The following ATG3 variants were observed in gnomAD, a reference collection of about 807,000 sequenced individuals.
ATG3 encodes ubiquitin-like-conjugating enzyme ATG3.
In ATG3, 25 loss-of-function variants were observed where a neutral mutation model predicts 50.7. The observed-to-expected ratio is 0.49, with a 90% CI of 0.36 to 0.69. The LOEUF is 0.69. ATG3 is among the 30% of genes least tolerant of loss of function. The pLI, the probability that ATG3 is intolerant of heterozygous loss-of-function variation, is 0.00. For missense variants in ATG3, 281 were observed against 376.0 expected (o/e 0.75, Z 2.09); for synonymous variants, 119 against 125.5 (o/e 0.95, Z 0.34).
intron 9 of ATG3, among the ~76,000 whole-genome samples, chr3:112,537,094 AAT>A (rs753711450): frequency 1.3e-5 from 2 of 152,088 alleles, no homozygotes; most frequent in Non-Finnish European, 2.9e-5. Context: ...ACAATTTATT[AAT>A]ATCAAGGGAG....
chr3:112,534,411 G>A, intron 10 of ATG3, 74 bp from the exon 11 acceptor site: 1 of 1,274,242 alleles, frequency 7.8e-7, no homozygotes, highest in Non-Finnish European at 1.0e-6. Flanking sequence ...ATTTTCATTT[G>A]TAAAGAAATC....
intron 7 of ATG3, among the ~76,000 whole-genome samples, chr3:112,540,760 GA>G (rs931401680): frequency 8.2e-5 from 12 of 146,334 alleles, no homozygotes; most frequent in Non-Finnish European, 1.2e-4. Flanking sequence ...AACCAAGAGA[GA>G]AAAAAAAAAG....
intron 4 of ATG3, 126 bp from the exon 5 acceptor site, chr3:112,548,766 C>A: frequency 1.3e-6 from 1 of 750,044 alleles, no homozygotes; most frequent in East Asian, 2.7e-5. Flanking sequence ...GTGAATATTT[C>A]ACTTTTAAAG....
Position 112,561,862 on chromosome 3 carries a change from G to C in ATG3, c.-334C>G. On this transcript the variant is annotated 5_prime_UTR_variant, in exon 1 of 12. Coordinates refer to ENST00000283290, the MANE Select transcript of ATG3 (RefSeq NM_022488.5). The stretch of plus-strand genomic sequence containing the variant: ...CACACGCACCCCTCGCCCTCTGCGA[G>C]CTGTCTGTCCTCGCTTTGCTTCACT... The C allele has an allele frequency of 3.3e-6, 1 of 307,178 alleles. No homozygotes were observed. Among genetic ancestry groups the C allele is most frequent in the Non-Finnish European group, 6.1e-6 (1 of 164,582 alleles). 19.0% of individuals were successfully genotyped at this position (307,178 alleles called of 1,614,324 possible). A position where few individuals can be genotyped will look rare whatever the true frequency, so the allele number is the denominator to read the frequency against.
chr3:112,549,737 C>T, intron 4 of ATG3, among the ~76,000 whole-genome samples: 1 of 145,858 alleles, frequency 6.9e-6, no homozygotes, highest in East Asian at 2.1e-4. Context: ...AACCTGTGAG[C>T]CAAAATCAGG....
intron 5 of ATG3, among the ~76,000 whole-genome samples, chr3:112,547,328 G>A (rs1010766538): frequency 9.2e-5 from 14 of 151,796 alleles, no homozygotes; most frequent in African/African-American, 3.1e-4. Flanking sequence ...TCTAGGACTC[G>A]AAGGGAGAAA....
At chr3:112,537,512 T>A (rs919161385) in intron 9 of ATG3, 1 of 358,284 alleles carries the variant, frequency 2.8e-6, no homozygotes, top group Non-Finnish European at 4.9e-6. Flanking sequence ...GAATATGTAA[T>A]AGATTATTTC....
intron 2 of ATG3, 64 bp from the exon 3 acceptor site, chr3:112,553,393 G>A: frequency 1.4e-6 from 2 of 1,454,018 alleles, no homozygotes; most frequent in South Asian, 2.3e-5. Flanking sequence ...CACTGAATGT[G>A]CAAGGTGGCA....
chr3:112,561,482 G>T lies in ATG3; in HGVS notation c.47C>A (p.Ala16Asp). The change falls in exon 1 of 12, where the codon GCT becomes GAT. Residue 16 changes from alanine to aspartate, a missense_variant. Physicochemically the swap from Ala to Asp is moderately radical, Grantham distance 126. Coordinates refer to ENST00000283290, the MANE Select transcript of ATG3 (RefSeq NM_022488.5). ...CTTGAGGACCGGGGTCAGGTACTCAGCCACTTCCAGTGCCTTTCCCTTCAC... is the reference window on the plus strand; with the variant it reads ...CTTGAGGACCGGGGTCAGGTACTCATCCACTTCCAGTGCCTTTCCCTTCAC... ...NTVKGKALEV[A>D]EYLTPVLKES... 6.2e-7 allele frequency: 1 copy of T among 1,605,132 alleles called. No individual in the cohort carries two copies.
intron 10 of ATG3, 42 bp from the exon 11 acceptor site, chr3:112,534,379 T>C: frequency 6.8e-7 from 1 of 1,461,074 alleles, no homozygotes; most frequent in South Asian, 1.4e-5. Context: ...GTAGATCGAT[T>C]AGACCGAAAG....
chr3:112,561,444 T>G lies in ATG3; in HGVS notation c.72+13A>C. On this transcript the variant is annotated intron_variant, in intron 1 of 11. Coordinates refer to ENST00000283290, the MANE Select transcript of ATG3 (RefSeq NM_022488.5). ...TGTGCCTGACAGCTCCCGGCAACCCTGGCCTGGCTTACCTTGAGGACCGGG... is the reference window on the plus strand; with the variant it reads ...TGTGCCTGACAGCTCCCGGCAACCCGGGCCTGGCTTACCTTGAGGACCGGG... 1 of 1,605,054 alleles carries G rather than the reference T, an allele frequency of 6.2e-7. No homozygotes were observed. Among genetic ancestry groups the G allele is most frequent in the Non-Finnish European group, 8.5e-7 (1 of 1,174,742 alleles).
chr3:112,553,228 T>A, intron 3 of ATG3, 52 bp downstream of exon 3: 1 of 1,497,620 alleles, frequency 6.7e-7, no homozygotes, highest in Non-Finnish European at 9.3e-7. Flanking sequence ...TTGCTATAAT[T>A]CTGAAGCCAT....
chr3:112,532,752 G>GT lies in ATG3; in HGVS notation c.891dup (p.Gln298ThrfsTer10). The GT allele has an allele frequency of 6.3e-7, 1 of 1,598,698 alleles. No individual in the cohort carries two copies. The highest frequency in any genetic ancestry group is 8.5e-7 in the Non-Finnish European group (1 of 1,172,906). On this transcript the variant is annotated frameshift_variant, in exon 12 of 12. Transcript: ENST00000283290. LOFTEE classifies it high-confidence loss of function. ...TATTCTATTGTTGGAATGACAGCTT[G>GT]TACAAATTTCAAGAAAATAAGAAGA...
intron 4 of ATG3, among the ~76,000 whole-genome samples, chr3:112,549,984 C>T (rs1933485718): frequency 6.6e-6 from 1 of 152,046 alleles, no homozygotes; most frequent in Non-Finnish European, 1.5e-5. Context: ...TATTATGAAG[C>T]CAACTTCAAA....
chr3:112,549,443 T>C (rs372435859), intron 4 of ATG3, among the ~76,000 whole-genome samples: 5 of 152,372 alleles, frequency 3.3e-5, no homozygotes, highest in African/African-American at 1.2e-4. Context: ...AATCAATGTA[T>C]TGTTTTGTGA....
intron 2 of ATG3, among the ~76,000 whole-genome samples, chr3:112,556,473 T>C (rs1214134696): frequency 6.6e-6 from 1 of 151,938 alleles, no homozygotes; most frequent in East Asian, 1.9e-4. Context: ...CGGCCGCCCC[T>C]ACTGGGAAGT....
rs531405538 is a variant in ATG3, at chr3:112,541,034, G to C, written c.475+769C>G. On this transcript the variant is annotated intron_variant, in intron 7 of 11. Transcript: ENST00000283290. ...TCACTAATGCAGTGATTCTCAACTG[G>C]CAACTCTAGGAGGAGGACTTTTCAG... Among the ~76,000 whole-genome samples, 8 of 152,254 alleles carry C rather than the reference G, an allele frequency of 5.3e-5. No individual in the cohort carries two copies. The South Asian group carries it at 1.5e-3, about 28-fold the overall frequency.
rs569703599 is a variant in ATG3 at position 112,550,623 on chromosome 3, T to G, written c.165-361A>C. Reference sequence around the variant, plus strand: ...GTAGCCCACTGTATAATCTCTCACATTTTTAATCCTAAAGTACTGCTGCTC... The same window carrying G: ...GTAGCCCACTGTATAATCTCTCACAGTTTTAATCCTAAAGTACTGCTGCTC... On this transcript the variant is annotated intron_variant, in intron 3 of 11. Transcript: ENST00000283290. Among the ~76,000 whole-genome samples, 6 of 152,332 alleles carry G rather than the reference T, an allele frequency of 3.9e-5. No homozygotes were observed. In the East Asian group the frequency reaches 1.2e-3, roughly 29 times the overall value.
chr3:112,556,687 A>T (rs567314406), intron 2 of ATG3, among the ~76,000 whole-genome samples: 1 of 152,290 alleles, frequency 6.6e-6, no homozygotes, highest in South Asian at 2.1e-4. Flanking sequence ...ACTAAGAAAA[A>T]TTCTTCTGCC....
Sources: allele counts gnomAD v4.1 joint callset (sites outside exome capture counted in the v4.1 genomes callset), GRCh38; gene constraint gnomAD v4.1.1; transcripts MANE v1.5; gene names NCBI Gene and HGNC (gene_info 2026-07-23, HGNC 2026-07-21).